Variants in LAMA2 observed in about 807,000 individuals in gnomAD.
LAMA2 encodes laminin subunit alpha-2.
LAMA2 carries 269 observed loss-of-function variants against 364.8 expected under a neutral mutation model. The observed-to-expected ratio is 0.74, with a 90% CI of 0.67 to 0.82. The LOEUF is 0.82. Ranked by LOEUF, LAMA2 falls within the 40% of genes least tolerant of loss-of-function variation. LAMA2 has a pLI of 0.00. For missense variants in LAMA2, 3,807 were observed against 3,873.2 expected, an observed-to-expected ratio of 0.98 and a Z score of 0.45; for synonymous variants, 1,379 against 1,370.6, an observed-to-expected ratio of 1.01 and a Z score of -0.14.
chr6:129,475,319 C>G (rs985710098), intron 52 of LAMA2, 71 bp from the exon 53 acceptor site: 5 of 894,638 alleles, frequency 5.6e-6, no homozygotes, highest in South Asian at 1.7e-5. Context: ...TATTGTTTTA[C>G]TAAATGAAAA....
rs1203386767 is a variant in LAMA2, at chr6:129,219,596, G to A, written c.1782+26743G>A. 4.7e-5 allele frequency among the ~76,000 whole-genome samples: 7 copies of A among 148,848 alleles called. No individual in the cohort carries two copies. The East Asian group carries it at 9.8e-4, about 21-fold the overall frequency. On this transcript the variant is annotated intron_variant, in intron 12 of 64. Transcript: ENST00000421865. ...CCAACCCAAATGTCCAACAATGATA[G>A]ACTGGATTAAGAAAATGTGGCACAT...
chr6:129,358,393 A>G (rs929287277), intron 32 of LAMA2, among the ~76,000 whole-genome samples: 3 of 152,058 alleles, frequency 2.0e-5, no homozygotes, highest in African/African-American at 2.4e-5. Flanking sequence ...GTTTTCAGCA[A>G]GTTTTATTTG....
chr6:129,146,047 A>G (rs1163840970), intron 5 of LAMA2, among the ~76,000 whole-genome samples: 2 of 151,996 alleles, frequency 1.3e-5, no homozygotes, highest in African/African-American at 4.8e-5. Context: ...CACTATATGT[A>G]TGTAACAAAA....
chr6:128,956,310 A>G (rs954804704), intron 1 of LAMA2, among the ~76,000 whole-genome samples: 2 of 152,062 alleles, frequency 1.3e-5, no homozygotes, highest in African/African-American at 4.8e-5. Context: ...AATTGGAACT[A>G]TGCCACCAGA....
chr6:128,895,167 T>G (rs1239106008), intron 1 of LAMA2, among the ~76,000 whole-genome samples: 1 of 152,120 alleles, frequency 6.6e-6, no homozygotes, highest in Non-Finnish European at 1.5e-5. Flanking sequence ...CAGAAAAGCT[T>G]CTTCTGTGGA....
intron 12 of LAMA2, among the ~76,000 whole-genome samples, chr6:129,233,629 G>A (rs1252638681): frequency 1.3e-5 from 2 of 152,012 alleles, no homozygotes; most frequent in Non-Finnish European, 2.9e-5. Context: ...AGAAGAGGAG[G>A]GGTTGGTCTT....
intron 34 of LAMA2, among the ~76,000 whole-genome samples, chr6:129,374,785 A>G (rs1211167577): frequency 1.4e-5 from 2 of 145,416 alleles, no homozygotes; most frequent in Non-Finnish European, 3.0e-5. Context: ...GGGTTTCATC[A>G]TGTTGGCCAG....
intron 20 of LAMA2, 83 bp downstream of exon 20, chr6:129,291,803 G>A (rs549506482): frequency 1.9e-5 from 17 of 884,104 alleles, no homozygotes; most frequent in Middle Eastern, 2.1e-4. Context: ...GTATACCTTC[G>A]TATATTAAAA....
intron 40 of LAMA2, among the ~76,000 whole-genome samples, chr6:129,413,074 A>G: frequency 6.6e-6 from 1 of 152,228 alleles, no homozygotes; most frequent in East Asian, 1.9e-4. Flanking sequence ...CAAATACTGC[A>G]AATCTTAGGG....
chr6:129,406,332 T>C (rs1397367468), intron 40 of LAMA2, among the ~76,000 whole-genome samples: 1 of 152,212 alleles, frequency 6.6e-6, no homozygotes, highest in Non-Finnish European at 1.5e-5. Context: ...TAAAGAGTAA[T>C]AGCTACTTGT....
chr6:129,013,411 T>C (rs913455939), intron 1 of LAMA2, among the ~76,000 whole-genome samples: 3 of 151,610 alleles, frequency 2.0e-5, no homozygotes, highest in Non-Finnish European at 4.4e-5. Flanking sequence ...CAGTCCGGCC[T>C]GGGCGAAAGA....
chr6:129,029,577 A>G (rs1424934172), intron 1 of LAMA2, among the ~76,000 whole-genome samples: 3 of 151,998 alleles, frequency 2.0e-5, no homozygotes, highest in African/African-American at 7.2e-5. Context: ...ATGCTAAAAA[A>G]AATTAGAAAA....
rs557201024 is a variant in LAMA2, at chr6:129,501,444, CTT to C, written c.8245-1213_8245-1212del. Among the ~76,000 whole-genome samples, 209 of 152,346 alleles carry C rather than the reference CTT, an allele frequency of 1.4e-3. 1 individual carries two copies. Among genetic ancestry groups the C allele is most frequent in the African/African-American group, 4.8e-3 (201 of 41,576 alleles). ...ACCAATTTTACGGCATTTCAAAACACTTTAAGCCTTTTACCTGCTGTGGCAGA... is the reference window on the plus strand; with the variant it reads ...ACCAATTTTACGGCATTTCAAAACACTAAGCCTTTTACCTGCTGTGGCAGA... On this transcript the variant is annotated intron_variant, in intron 58 of 64. Transcript: ENST00000421865.
intron 17 of LAMA2, among the ~76,000 whole-genome samples, chr6:129,278,336 G>A (rs1788471090): frequency 6.6e-6 from 1 of 152,192 alleles, no homozygotes. Context: ...TAGTCCCACA[G>A]AGGTGGGAAA....
chr6:129,450,483 C>T (rs763338822), intron 45 of LAMA2, among the ~76,000 whole-genome samples: 26 of 151,758 alleles, frequency 1.7e-4, no homozygotes, highest in Non-Finnish European at 2.8e-4. Flanking sequence ...CCACCATGGC[C>T]GGCTAATTTT....
Position 129,420,207 on chromosome 6 carries a change from C to T in LAMA2, c.5866-7545C>T, listed in dbSNP as rs377170260. Reference sequence around the variant, plus strand: ...TTACTATGGGAATGAACATCACATACGTATTTTAAAAAATATTCTCAAAAA... The same window carrying T: ...TTACTATGGGAATGAACATCACATATGTATTTTAAAAAATATTCTCAAAAA... On this transcript the variant is annotated intron_variant, in intron 40 of 64. Transcript: ENST00000421865. Among the ~76,000 whole-genome samples, 24 of 152,036 alleles carry T rather than the reference C, an allele frequency of 1.6e-4. 1 individual carries two copies. In the South Asian group the frequency reaches 2.5e-3, roughly 16 times the overall value.
intron 1 of LAMA2, among the ~76,000 whole-genome samples, chr6:128,972,842 C>G (rs570388328): frequency 6.6e-6 from 1 of 152,132 alleles, no homozygotes; most frequent in East Asian, 1.9e-4. Flanking sequence ...ACCTCGGGAA[C>G]CACTCTAATT....
intron 12 of LAMA2, among the ~76,000 whole-genome samples, chr6:129,231,019 C>T (rs1417823270): frequency 1.3e-5 from 2 of 152,030 alleles, no homozygotes; most frequent in African/African-American, 4.8e-5. Flanking sequence ...ATTTAGTGTG[C>T]TGTACACTAA....
At chr6:129,300,085 T>C (rs543446685) in intron 21 of LAMA2, among the ~76,000 whole-genome samples, 1 of 152,292 alleles carries the variant, frequency 6.6e-6, no homozygotes, top group Admixed American at 6.5e-5. Flanking sequence ...GTACAAAAGG[T>C]AGATAACTTT....
Sources: allele counts gnomAD v4.1 joint callset (sites outside exome capture counted in the v4.1 genomes callset), GRCh38; gene constraint gnomAD v4.1.1; transcripts MANE v1.5; gene names NCBI Gene and HGNC (gene_info 2026-07-23, HGNC 2026-07-21).